The following ALPK2 variants were observed in gnomAD, a reference collection of about 807,000 sequenced individuals.
The protein encoded by ALPK2 is alpha kinase 2.
A neutral mutation model predicts 163.1 loss-of-function variants in ALPK2; 127 were observed. That is an observed-to-expected ratio of 0.78 (90% CI 0.67 to 0.90). ALPK2 has a LOEUF of 0.90. ALPK2 is among the 40% of genes least tolerant of loss of function. The probability of loss-of-function intolerance (pLI) is 0.00; values close to 1 mark genes in which losing one functional copy is unlikely to be tolerated. For missense variants in ALPK2, 2,360 were observed against 2,589.6 expected (o/e 0.91, Z 1.92); for synonymous variants, 953 against 959.1 (o/e 0.99, Z 0.12).
At chr18:58,549,015 T>C (rs1036902166) in intron 4 of ALPK2, among the ~76,000 whole-genome samples, 1 of 152,340 alleles carries the variant, frequency 6.6e-6, no homozygotes, top group Non-Finnish European at 1.5e-5. Context: ...GGTTAATATG[T>C]AGCTTCTACT....
chr18:58,485,306 A>C (rs2051332859), intron 12 of ALPK2, among the ~76,000 whole-genome samples: 1 of 152,204 alleles, frequency 6.6e-6, no homozygotes, highest in Admixed American at 6.5e-5. Context: ...GGTAGAAACT[A>C]TAGAGGTCGA....
Position 58,536,615 on chromosome 18 carries a change from G to A in ALPK2, c.3572C>T (p.Thr1191Met), listed in dbSNP as rs532039083. 9.3e-6 allele frequency: 15 copies of A among 1,614,064 alleles called. No homozygotes were observed. In the Admixed American group the frequency reaches 1.0e-4, roughly 11 times the overall value. ...AGTTTCAGCCACCACGGAGACCCTC[G>A]TCCCCCAACCTGAGCGCTGCCCTGC... ...EGAGQRSGWG[T>M]RVSVVAETAG... The change falls in exon 5 of 13, where the codon ACG (threonine) becomes ATG (methionine). Residue 1191 changes from threonine (T) to methionine (M), a missense_variant. Transcript: ENST00000361673.
chr18:58,573,360 G>GTATATATA lies in ALPK2; in HGVS notation c.1962+5453_1962+5454insTATATATA, dbSNP rs1568089440. Among the ~76,000 whole-genome samples the GTATATATA allele has an allele frequency of 1.5e-3, 157 of 102,242 alleles. 2 individuals carry two copies. The highest frequency in any genetic ancestry group is 6.3e-3 in the African/African-American group (146 of 23,166). The allele number at this position is 102,242 out of a possible 152,430, so 67.1% of individuals were successfully genotyped here. On this transcript the variant is annotated intron_variant, in intron 4 of 12. Coordinates refer to ENST00000361673, the MANE Select transcript of ALPK2 (RefSeq NM_052947.4). ...TGTATATATATGTATATATATATGT[G>GTATATATA]TGTGTATATATATATGTGTGTGTAT...
intron 4 of ALPK2, among the ~76,000 whole-genome samples, chr18:58,548,442 T>A (rs904614802): frequency 6.6e-6 from 1 of 151,950 alleles, no homozygotes; most frequent in Admixed American, 6.6e-5. Context: ...TGCCTCAGCC[T>A]CCCAAGTAGC....
At chr18:58,591,961 C>G (rs1481881445) in intron 3 of ALPK2, among the ~76,000 whole-genome samples, 1 of 152,136 alleles carries the variant, frequency 6.6e-6, no homozygotes, top group Non-Finnish European at 1.5e-5. Context: ...GGTTTTCCAT[C>G]CCATACTAAG....
chr18:58,549,121 G>A (rs1431794202), intron 4 of ALPK2, among the ~76,000 whole-genome samples: 1 of 152,178 alleles, frequency 6.6e-6, no homozygotes, highest in African/African-American at 2.4e-5. Context: ...CTTTTGAGTA[G>A]AGAGAGAGAA....
chr18:58,602,455 C>T (rs2052075903), intron 3 of ALPK2, among the ~76,000 whole-genome samples: 1 of 152,214 alleles, frequency 6.6e-6, no homozygotes, highest in South Asian at 2.1e-4. Context: ...CCAGGGAAGA[C>T]TCTTCTCTTG....
At chr18:58,523,723 T>G in intron 8 of ALPK2, 83 bp downstream of exon 8, 1 of 1,548,962 alleles carries the variant, frequency 6.5e-7, no homozygotes, top group Non-Finnish European at 8.9e-7. Context: ...AGAGGATTAC[T>G]GCTTCTACTC....
At chr18:58,604,484 A>T (rs539694728) in intron 3 of ALPK2, among the ~76,000 whole-genome samples, 1 of 152,310 alleles carries the variant, frequency 6.6e-6, no homozygotes, top group African/African-American at 2.4e-5. Context: ...TTAATTGGTC[A>T]AGCGCGAAGC....
At chr18:58,542,589 G>A (rs913648875) in intron 4 of ALPK2, among the ~76,000 whole-genome samples, 11 of 152,208 alleles carry the variant, frequency 7.2e-5, no homozygotes, top group African/African-American at 2.7e-4. Flanking sequence ...GTGCTATAAG[G>A]TATAAGGAAA....
chr18:58,611,472 A>G (rs1568101072), intron 2 of ALPK2, among the ~76,000 whole-genome samples: 1 of 152,188 alleles, frequency 6.6e-6, no homozygotes, highest in Non-Finnish European at 1.5e-5. Context: ...CAGAACCACA[A>G]GGTGAAGTAA....
chr18:58,581,955 A>G (rs1033218770), intron 3 of ALPK2, among the ~76,000 whole-genome samples: 1 of 152,162 alleles, frequency 6.6e-6, no homozygotes, highest in Admixed American at 6.5e-5. Context: ...CCACAATCCT[A>G]TATGTCCTCA....
At chr18:58,496,380 G>A (rs2051401154) in intron 12 of ALPK2, among the ~76,000 whole-genome samples, 1 of 152,210 alleles carries the variant, frequency 6.6e-6, no homozygotes, top group African/African-American at 2.4e-5. Flanking sequence ...GCACAGGGGA[G>A]AAGCCTGGAG....
Position 58,515,681 on chromosome 18 carries a change from A to G in ALPK2, c.5941-600T>C, listed in dbSNP as rs147374793. Among the ~76,000 whole-genome samples the G allele has an allele frequency of 4.4e-3, 663 of 152,346 alleles. 9 individuals carry two copies. Among genetic ancestry groups the G allele is most frequent in the African/African-American group, 0.015 (613 of 41,574 alleles). ...AGAAGAAAGGAATACAATGGGCAGAACACTATATTCAGAGAGCAAGGCTGC... is the reference window on the plus strand; with the variant it reads ...AGAAGAAAGGAATACAATGGGCAGAGCACTATATTCAGAGAGCAAGGCTGC... On this transcript the variant is annotated intron_variant, in intron 9 of 12. Coordinates refer to ENST00000361673, the MANE Select transcript of ALPK2 (RefSeq NM_052947.4).
intron 3 of ALPK2, among the ~76,000 whole-genome samples, chr18:58,593,584 A>AAC (rs2052025935): frequency 6.7e-6 from 1 of 148,418 alleles, no homozygotes; most frequent in Non-Finnish European, 1.5e-5. Flanking sequence ...AAAAAAAAAA[A>AAC]AAGGCAAAAA....
intron 4 of ALPK2, among the ~76,000 whole-genome samples, chr18:58,573,759 G>T (rs1336304496): frequency 6.6e-6 from 1 of 151,806 alleles, no homozygotes; most frequent in African/African-American, 2.4e-5. Flanking sequence ...TTTGTCCCAA[G>T]AAAGTCAGGA....
intron 1 of ALPK2, among the ~76,000 whole-genome samples, chr18:58,619,064 C>T (rs140123962): frequency 3.0e-4 from 46 of 152,286 alleles, no homozygotes; most frequent in Admixed American, 9.2e-4. Context: ...ATTTGGACAC[C>T]GCACCCTCTG....
chr18:58,501,262 G>A (rs890451702), intron 11 of ALPK2, among the ~76,000 whole-genome samples: 1 of 152,202 alleles, frequency 6.6e-6, no homozygotes, highest in African/African-American at 2.4e-5. Context: ...TGAAGCCCTG[G>A]GTGCTGCTTT....
chr18:58,511,332 T>A (rs146147837), intron 10 of ALPK2, among the ~76,000 whole-genome samples: 12 of 152,376 alleles, frequency 7.9e-5, no homozygotes, highest in Non-Finnish European at 1.3e-4. Flanking sequence ...ATAAGGGATA[T>A]TGGTCTAAAA....
Sources: allele counts gnomAD v4.1 joint callset (sites outside exome capture counted in the v4.1 genomes callset), GRCh38; gene constraint gnomAD v4.1.1; transcripts MANE v1.5; gene names NCBI Gene and HGNC (gene_info 2026-07-23, HGNC 2026-07-21).